SND1: variants seen among roughly 807,000 people sequenced by gnomAD.
SND1 encodes staphylococcal nuclease and tudor domain containing 1.
A neutral mutation model predicts 121.7 loss-of-function variants in SND1; 38 were observed. That is an observed-to-expected ratio of 0.31 (90% CI 0.24 to 0.41). The LOEUF (loss-of-function observed/expected upper bound fraction) is 0.41, where lower values mean the gene tolerates loss of function less well. Among genes scored for constraint, SND1 ranks in the 10% least tolerant of loss-of-function variants. SND1 has a pLI of 1.00. For missense variants in SND1, 868 were observed against 1,184.6 expected (o/e 0.73, Z 3.92); for synonymous variants, 401 against 447.4 (o/e 0.90, Z 1.31).
At chr7:127,775,069 A>G (rs569196075) in intron 10 of SND1, among the ~76,000 whole-genome samples, 14 of 152,336 alleles carry the variant, frequency 9.2e-5, no homozygotes, top group Non-Finnish European at 1.5e-4. Flanking sequence ...AAAATAAGTT[A>G]AGACATAGAG....
intron 16 of SND1, among the ~76,000 whole-genome samples, chr7:128,059,456 C>G (rs1249607935): frequency 6.6e-6 from 1 of 152,226 alleles, no homozygotes; most frequent in East Asian, 1.9e-4. Context: ...AAACCCATTT[C>G]TTGGTCAGTT....
At chr7:128,013,013 C>G (rs564843025) in intron 16 of SND1, among the ~76,000 whole-genome samples, 1 of 152,148 alleles carries the variant, frequency 6.6e-6, no homozygotes, top group Non-Finnish European at 1.5e-5. Context: ...CAAGTCACCC[C>G]CTGCACCTCT....
intron 10 of SND1, among the ~76,000 whole-genome samples, chr7:127,776,113 A>G (rs1403336282): frequency 6.6e-6 from 1 of 152,208 alleles, no homozygotes; most frequent in Non-Finnish European, 1.5e-5. Flanking sequence ...GAAGTTCAGT[A>G]GGCTTCATGA....
At chr7:128,056,830 A>G (rs1793151318) in intron 16 of SND1, among the ~76,000 whole-genome samples, 1 of 152,240 alleles carries the variant, frequency 6.6e-6, no homozygotes, top group Non-Finnish European at 1.5e-5. Context: ...TATAAGATTA[A>G]TAACAATAAT....
intron 3 of SND1, among the ~76,000 whole-genome samples, chr7:127,696,468 A>T (rs1447041535): frequency 1.3e-5 from 2 of 152,246 alleles, no homozygotes. Context: ...CTTAAAGATA[A>T]TTATTGAGTG....
chr7:127,725,459 A>T (rs1020905060), intron 10 of SND1, among the ~76,000 whole-genome samples: 1 of 152,218 alleles, frequency 6.6e-6, no homozygotes, highest in African/African-American at 2.4e-5. Flanking sequence ...AAGGCACAGC[A>T]TGGGTAAAAA....
chr7:127,882,440 G>A (rs1343188906), intron 12 of SND1, among the ~76,000 whole-genome samples: 14 of 138,320 alleles, frequency 1.0e-4, no homozygotes, highest in Admixed American at 1.4e-4. Flanking sequence ...GGAGGGGAGG[G>A]GAGGGGAAGA....
chr7:127,698,266 T>G (rs1033228851), intron 3 of SND1, among the ~76,000 whole-genome samples: 1 of 152,144 alleles, frequency 6.6e-6, no homozygotes, highest in Admixed American at 6.6e-5. Flanking sequence ...CTGAGAGGAA[T>G]TGGACTTTCT....
Position 128,029,299 on chromosome 7 carries a change from T to C in SND1, c.1779+38243T>C, listed in dbSNP as rs764553288. The C allele has an allele frequency of 1.9e-6, 3 of 1,613,870 alleles. No individual in the cohort carries two copies. The highest frequency in any genetic ancestry group is 2.5e-6 in the Non-Finnish European group (3 of 1,179,988). On this transcript the variant is annotated intron_variant, in intron 16 of 23. Coordinates refer to ENST00000354725, the MANE Select transcript of SND1 (RefSeq NM_014390.4). The surrounding 1 kb of genome is among the most constrained non-coding windows in gnomAD (Gnocchi z 4.2). Reference sequence around the variant, plus strand: ...GTGGTGAAGAAGCTGTAGTTGGAGGTGTTAAGCTCAGCCGTGCTCACATTG... The same window carrying C: ...GTGGTGAAGAAGCTGTAGTTGGAGGCGTTAAGCTCAGCCGTGCTCACATTG...
chr7:127,805,890 T>G (rs1236992816), intron 10 of SND1, among the ~76,000 whole-genome samples: 1 of 152,212 alleles, frequency 6.6e-6, no homozygotes, highest in African/African-American at 2.4e-5. Context: ...GATTTTCTCC[T>G]GTCTTTCTAT....
intron 11 of SND1, among the ~76,000 whole-genome samples, chr7:127,819,391 C>CT (rs1798504494): frequency 6.6e-6 from 1 of 152,168 alleles, no homozygotes; most frequent in Non-Finnish European, 1.5e-5. Context: ...CCAAAGGATA[C>CT]TTTTTTCTAC....
chr7:127,989,145 C>A (rs912530764), intron 15 of SND1, among the ~76,000 whole-genome samples: 2 of 152,164 alleles, frequency 1.3e-5, no homozygotes, highest in Non-Finnish European at 2.9e-5. Context: ...ATACGTTCCA[C>A]CCCTCCCTTG....
intron 15 of SND1, among the ~76,000 whole-genome samples, chr7:127,976,396 C>T (rs749159536): frequency 5.3e-5 from 8 of 152,230 alleles, no homozygotes; most frequent in South Asian, 2.1e-4. Flanking sequence ...AGACCAGATG[C>T]GGGTCTGTTG....
intron 5 of SND1, among the ~76,000 whole-genome samples, chr7:127,701,984 C>A (rs1796112947): frequency 6.6e-6 from 1 of 152,084 alleles, no homozygotes; most frequent in Non-Finnish European, 1.5e-5. Flanking sequence ...TTGGTTGACT[C>A]CATGAATGTG....
At chr7:127,790,827 C>G (rs1797894072) in intron 10 of SND1, among the ~76,000 whole-genome samples, 1 of 152,146 alleles carries the variant, frequency 6.6e-6, no homozygotes, top group African/African-American at 2.4e-5. Context: ...TATTTGGCAT[C>G]TGAGTCAACA....
intron 10 of SND1, among the ~76,000 whole-genome samples, chr7:127,747,527 A>G (rs1797002441): frequency 6.6e-6 from 1 of 152,210 alleles, no homozygotes; most frequent in South Asian, 2.1e-4. Context: ...CTTGAAGGAA[A>G]ATTGGAGTCA....
intron 15 of SND1, among the ~76,000 whole-genome samples, chr7:127,938,413 A>G (rs559548179): frequency 6.6e-6 from 1 of 152,232 alleles, no homozygotes; most frequent in Non-Finnish European, 1.5e-5. Flanking sequence ...CCATACAAAT[A>G]ATGTAAACAA....
intron 5 of SND1, among the ~76,000 whole-genome samples, chr7:127,702,055 C>T (rs572084510): frequency 3.3e-5 from 5 of 152,080 alleles, no homozygotes; most frequent in Non-Finnish European, 4.4e-5. Context: ...GTTTTTGGCC[C>T]GGTTTTGAGA....
chr7:127,705,983 A>C (rs2116349654), intron 8 of SND1, among the ~76,000 whole-genome samples: 1 of 152,324 alleles, frequency 6.6e-6, no homozygotes, highest in East Asian at 1.9e-4. Flanking sequence ...TTTTTATAAA[A>C]GTAGATATTA....
Sources: gnomAD v4.1 joint callset for allele counts (sites outside exome capture counted in the v4.1 genomes callset) on GRCh38, gnomAD v4.1.1 for gene constraint, Gnocchi (gnomAD v3.1) non-coding constraint, MANE v1.5 for transcripts, NCBI Gene and HGNC (gene_info 2026-07-23, HGNC 2026-07-21) for gene names.